Variants in SKIC8 observed in about 807,000 individuals in gnomAD.
SKIC8 encodes SKI8 subunit of superkiller complex.
chr15:78,293,210 C>T, the SKIC8 span: 1 of 1,614,162 alleles, frequency 6.2e-7, no homozygotes, highest in African/African-American at 1.3e-5. Flanking sequence ...CCTGTGACCA[C>T]TGTCTCAGAG....
At chr15:78,294,911 C>A in the SKIC8 span, 2 of 1,613,414 alleles carry the variant, frequency 1.2e-6, no homozygotes, top group South Asian at 2.2e-5. Flanking sequence ...CAGTTTTTTT[C>A]ACAGATGAAT....
chr15:78,292,559 G>A, the SKIC8 span: 85 of 1,609,356 alleles, frequency 5.3e-5, no homozygotes, highest in South Asian at 5.5e-5. Context: ...TATCCCTAAA[G>A]ATTTTGGAAA....
chr15:78,297,397 A>T, the SKIC8 span, among the ~76,000 whole-genome samples: 2 of 152,152 alleles, frequency 1.3e-5, no homozygotes, highest in Non-Finnish European at 2.9e-5. Context: ...AGGGCTACAG[A>T]CAAATTTTAG....
the SKIC8 span, chr15:78,293,101 A>G: frequency 3.0e-5 from 42 of 1,397,156 alleles, no homozygotes; most frequent in Non-Finnish European, 3.7e-5. Context: ...CTGCAACTGG[A>G]GAGTTCAGAA....
At chr15:78,291,175 G>C in the SKIC8 span, 1 of 152,164 alleles carries the variant, frequency 6.6e-6, no homozygotes, top group Non-Finnish European at 1.5e-5. Flanking sequence ...CAGAGAAAGT[G>C]AGCTAGATAC....
At chr15:78,283,522 C>G in the SKIC8 span, 1 of 1,607,746 alleles carries the variant, frequency 6.2e-7, no homozygotes, top group Non-Finnish European at 8.5e-7. Flanking sequence ...CTCCCCAGAC[C>G]TGTAAATTTA....
chr15:78,295,342 A>AT, the SKIC8 span: 9 of 572,450 alleles, frequency 1.6e-5, no homozygotes, highest in Middle Eastern at 4.5e-4. Context: ...CCGTCTATTA[A>AT]CTTTGTCCCT....
chr15:78,296,237 C>T, the SKIC8 span, among the ~76,000 whole-genome samples: 1 of 151,844 alleles, frequency 6.6e-6, no homozygotes, highest in African/African-American at 2.4e-5. Flanking sequence ...GAAACCACGT[C>T]TCTAATAAAA....
chr15:78,293,635 C>T, the SKIC8 span, among the ~76,000 whole-genome samples: 1 of 152,164 alleles, frequency 6.6e-6, no homozygotes, highest in African/African-American at 2.4e-5. Flanking sequence ...GGCCTAAACC[C>T]GGTAACAGAT....
the SKIC8 span, chr15:78,289,959 T>C: frequency 6.2e-7 from 1 of 1,613,596 alleles, no homozygotes; most frequent in Non-Finnish European, 8.5e-7. Flanking sequence ...ACATATGCAA[T>C]ACTAAGAATG....
the SKIC8 span, chr15:78,295,593 T>G: frequency 1.1e-5 from 17 of 1,586,452 alleles, no homozygotes; most frequent in Non-Finnish European, 1.5e-5. Context: ...GCTAGTTTCT[T>G]GACTACACAT....
the SKIC8 span, chr15:78,294,784 G>T: frequency 3.4e-6 from 2 of 596,260 alleles, no homozygotes; most frequent in Non-Finnish European, 5.7e-6. Flanking sequence ...TGTTGTTGTT[G>T]TTGTTGTCTG....
the SKIC8 span, chr15:78,283,631 G>T: frequency 1.2e-6 from 1 of 814,302 alleles, no homozygotes; most frequent in Non-Finnish European, 1.9e-6. Context: ...ACTGAGATGA[G>T]GATGTTCTTG....
the SKIC8 span, chr15:78,288,279 G>T: frequency 6.2e-7 from 1 of 1,613,676 alleles, no homozygotes; most frequent in African/African-American, 1.3e-5. Context: ...ATGCCTTTAA[G>T]GTAACTTACA....
the SKIC8 span, chr15:78,293,001 G>GT: frequency 1.2e-6 from 1 of 809,764 alleles, no homozygotes; most frequent in South Asian, 1.9e-5. Flanking sequence ...TTAATACAGA[G>GT]TAACAGGAAA....
chr15:78,288,998 G>A, the SKIC8 span: 1 of 422,992 alleles, frequency 2.4e-6, no homozygotes, highest in East Asian at 7.1e-5. Context: ...CATTCATATA[G>A]CAAATATATA....
chr15:78,296,357 A>G, the SKIC8 span, among the ~76,000 whole-genome samples: 152,134 of 152,134 alleles, frequency 1, 76,067 homozygotes, highest in Non-Finnish European at 1. Flanking sequence ...AGTGAGCTGA[A>G]ATTGTGCCAC....
At chr15:78,299,525 T>C in the SKIC8 span, 2 of 152,796 alleles carry the variant, frequency 1.3e-5, no homozygotes, top group African/African-American at 4.8e-5. Flanking sequence ...ACGGCCCTAA[T>C]GACCCCAATC....
the SKIC8 span, chr15:78,285,140 G>C: frequency 1.1e-6 from 1 of 875,300 alleles, no homozygotes; most frequent in East Asian, 2.6e-5. Flanking sequence ...AGATAGAGCA[G>C]CTCAGGCCCA....
Sources: gnomAD v4.1 joint callset for allele counts (sites outside exome capture counted in the v4.1 genomes callset) on GRCh38, gnomAD v4.1.1 for gene constraint, MANE v1.5 for transcripts, NCBI Gene and HGNC (gene_info 2026-07-23, HGNC 2026-07-21) for gene names.